The following CDKN3 variants were observed in gnomAD, a reference collection of about 807,000 sequenced individuals.
The protein encoded by CDKN3 is cyclin-dependent kinase inhibitor 3.
In CDKN3, 19 loss-of-function variants were observed where a neutral mutation model predicts 36.1. The observed-to-expected ratio is 0.53, with a 90% confidence interval of 0.37 to 0.77. The LOEUF (loss-of-function observed/expected upper bound fraction) is 0.77. Ranked by LOEUF, CDKN3 falls within the 30% of genes least tolerant of loss-of-function variation. The pLI is 0.00. For missense variants in CDKN3, 188 were observed against 248.6 expected (o/e 0.76, Z 1.64); for synonymous variants, 71 against 85.3 (o/e 0.83, Z 0.92).
chr14:54,412,914 G>A (rs1201523661), intron 5 of CDKN3: 2 of 511,534 alleles, frequency 3.9e-6, no homozygotes, highest in African/African-American at 1.9e-5. Flanking sequence ...TAGAAGTATA[G>A]AAATTATATC....
intron 4 of CDKN3, among the ~76,000 whole-genome samples, chr14:54,409,201 A>G (rs1307086087): frequency 5.9e-5 from 9 of 152,144 alleles, no homozygotes. Flanking sequence ...TCCTGGATGG[A>G]AAATTTTGAG....
intron 5 of CDKN3, 47 bp from the exon 6 acceptor site, chr14:54,415,852 G>A (rs1163406924): frequency 1.4e-6 from 2 of 1,431,710 alleles, no homozygotes. Context: ...GTTGTAACTA[G>A]GGATGGAATG....
intron 2 of CDKN3, among the ~76,000 whole-genome samples, chr14:54,400,852 C>A (rs538904502): frequency 2.0e-5 from 3 of 152,168 alleles, no homozygotes; most frequent in African/African-American, 7.2e-5. Context: ...GTACTGCAAA[C>A]TGGGAATATG....
rs376186329 is a variant in CDKN3, at chr14:54,411,176, C to CAAAA, written c.194-290_194-287dup. The CAAAA allele has an allele frequency of 2.1e-3, 260 of 123,402 alleles. 1 individual carries two copies. Among genetic ancestry groups the CAAAA allele is most frequent in the Non-Finnish European group, 2.7e-3 (189 of 70,562 alleles). The allele number at this position is 123,402 out of a possible 1,614,324, so 7.6% of individuals were successfully genotyped here. The stretch of plus-strand genomic sequence containing the variant: ...CTGGTGACAGAGCAAGACTCCATCT[C>CAAAA]AAAAAAAAAAAAAAAAAAAAAGAGG... On this transcript the variant is annotated intron_variant, in intron 4 of 7. Coordinates refer to ENST00000335183, the MANE Select transcript of CDKN3 (RefSeq NM_005192.4).
In CDKN3 at chr14:54,397,093, T is replaced by G. The variant is rs570716127; in HGVS notation, c.9+16T>G. Reference sequence around the variant, plus strand: ...GATGAAGCCGGTGAGTCGGACGTGCTGGGGTTTGGAGGAGCGAGGCGGCAG... The same window carrying G: ...GATGAAGCCGGTGAGTCGGACGTGCGGGGGTTTGGAGGAGCGAGGCGGCAG... On this transcript the variant is annotated intron_variant, in intron 1 of 7. Transcript: ENST00000335183. 4.0e-5 allele frequency: 60 copies of G among 1,501,096 alleles called. No individual in the cohort carries two copies. The highest frequency in any genetic ancestry group is 6.7e-5 in the Admixed American group (3 of 44,624). 93.0% of individuals were successfully genotyped at this position (1,501,096 alleles called of 1,614,324 possible).
At chr14:54,400,883 T>C (rs1404365243) in intron 2 of CDKN3, among the ~76,000 whole-genome samples, 1 of 152,244 alleles carries the variant, frequency 6.6e-6, no homozygotes, top group African/African-American at 2.4e-5. Flanking sequence ...ATTATTTCTT[T>C]TTAACCAAAA....
At chr14:54,407,730 A>G (rs555460784) in intron 3 of CDKN3, among the ~76,000 whole-genome samples, 1 of 152,288 alleles carries the variant, frequency 6.6e-6, no homozygotes, top group South Asian at 2.1e-4. Context: ...TTGACTTCAG[A>G]CTGCTGTGCT....
intron 4 of CDKN3, 121 bp downstream of exon 4, chr14:54,408,910 G>T: frequency 1.5e-6 from 2 of 1,307,074 alleles, no homozygotes; most frequent in Non-Finnish European, 2.0e-6. Flanking sequence ...TCAATATTGT[G>T]TGAAGTTCCA....
Position 54,411,504 on chromosome 14 carries a change from A to G in CDKN3, c.214A>G (p.Ile72Val). 6.2e-7 allele frequency: 1 copy of G among 1,613,648 alleles called. No individual in the cohort carries two copies. Among genetic ancestry groups the G allele is most frequent in the Non-Finnish European group, 8.5e-7 (1 of 1,180,000 alleles). ...KDTEELKSCG[I>V]QDIFVFCTRG... is the part of the protein sequence containing the mutation. ...GGCAGAAGAACTAAAGAGCTGTGGT[A>G]TACAAGACATATTTGTTTTCTGCAC... Residue 72 changes from isoleucine (I) to valine (V), a missense_variant, in exon 5 of 8, where the codon ATA becomes GTA. Physicochemically the swap from Ile to Val is conservative, Grantham distance 29. Transcript: ENST00000335183.
intron 3 of CDKN3, among the ~76,000 whole-genome samples, chr14:54,404,602 T>G (rs1487638599): frequency 6.6e-6 from 1 of 151,616 alleles, no homozygotes; most frequent in East Asian, 1.9e-4. Context: ...TGAGACAGAG[T>G]CTCACTCTGT....
intron 3 of CDKN3, among the ~76,000 whole-genome samples, chr14:54,407,580 T>C (rs2030205171): frequency 1.3e-5 from 2 of 152,206 alleles, no homozygotes; most frequent in Admixed American, 1.3e-4. Flanking sequence ...CTGGCTACCA[T>C]GGCTTTTCCA....
intron 6 of CDKN3, among the ~76,000 whole-genome samples, chr14:54,416,137 T>C (rs766898648): frequency 8.5e-5 from 13 of 152,222 alleles, no homozygotes; most frequent in Admixed American, 8.5e-4. Flanking sequence ...TGGAGGATTC[T>C]GGCAAAACAT....
chr14:54,408,585 C>T (rs1594603983), intron 3 of CDKN3, 160 bp from the exon 4 acceptor site: 1 of 824,998 alleles, frequency 1.2e-6, no homozygotes, highest in East Asian at 3.5e-5. Context: ...TAATTATATT[C>T]CTAGAAATAT....
At position 54,397,168 on chromosome 14, in the gene CDKN3, G is replaced by C. The variant is rs1054852536; in HGVS notation, c.9+91G>C. On this transcript the variant is annotated intron_variant, in intron 1 of 7. Transcript: ENST00000335183. The stretch of plus-strand genomic sequence containing the variant: ...GATCCTGGGCCGGAGGGCAGCCCTA[G>C]CCTGGTAGCAGTGCGACTGGCGCCG... The C allele has an allele frequency of 6.0e-6, 8 of 1,330,478 alleles. No homozygotes were observed. The East Asian group carries it at 2.4e-4, about 40-fold the overall frequency. The allele number at this position is 1,330,478 out of a possible 1,614,324, so 82.4% of individuals were successfully genotyped here. A position where few individuals can be genotyped will look rare whatever the true frequency, so the allele number is the denominator to read the frequency against.
At chr14:54,397,935 A>G (rs1190252573) in intron 1 of CDKN3, among the ~76,000 whole-genome samples, 1 of 152,224 alleles carries the variant, frequency 6.6e-6, no homozygotes, top group African/African-American at 2.4e-5. Flanking sequence ...GTTGGAGACA[A>G]GCCTAGCCAA....
intron 4 of CDKN3, among the ~76,000 whole-genome samples, chr14:54,409,272 C>CA (rs1205430399): frequency 6.6e-6 from 1 of 151,988 alleles, no homozygotes; most frequent in African/African-American, 2.4e-5. Flanking sequence ...CAAGGATGTT[C>CA]ATACCATTAT....
chr14:54,417,420 C>T (rs1007959364), intron 6 of CDKN3, among the ~76,000 whole-genome samples: 33 of 152,142 alleles, frequency 2.2e-4, no homozygotes, highest in African/African-American at 7.5e-4. Context: ...TGTATGTTTC[C>T]GTTTATGTGA....
At chr14:54,413,660 T>C (rs1426780882) in intron 5 of CDKN3, 16 of 1,535,468 alleles carry the variant, frequency 1.0e-5, no homozygotes, top group Non-Finnish European at 1.4e-5. Flanking sequence ...TTCTGCCATC[T>C]TTGAGGACCC....
At chr14:54,404,899 T>C (rs1362450815) in intron 3 of CDKN3, among the ~76,000 whole-genome samples, 1 of 152,192 alleles carries the variant, frequency 6.6e-6, no homozygotes, top group African/African-American at 2.4e-5. Context: ...TTATTTCTTG[T>C]CTTCTGCTAG....
Sources: gnomAD v4.1 joint callset for allele counts (sites outside exome capture counted in the v4.1 genomes callset) on GRCh38, gnomAD v4.1.1 for gene constraint, MANE v1.5 for transcripts, NCBI Gene and HGNC (gene_info 2026-07-23, HGNC 2026-07-21) for gene names.